The following PHLDB1 variants were observed in gnomAD, a reference collection of about 807,000 sequenced individuals.
PHLDB1 encodes the protein pleckstrin homology like domain family B member 1.
In PHLDB1, 65 loss-of-function variants were observed where a neutral mutation model predicts 139.3. The ratio of observed to expected loss-of-function variants is 0.47; its 90% CI spans 0.38 to 0.57. The LOEUF (loss-of-function observed/expected upper bound fraction) is 0.57. PHLDB1 is among the 20% of genes least tolerant of loss of function. The pLI is 0.00. For missense variants in PHLDB1, 1,624 were observed against 1,839.7 expected (o/e 0.88, Z 2.14); for synonymous variants, 679 against 734.5 (o/e 0.92, Z 1.22).
At position 118,629,588 on chromosome 11, in the gene PHLDB1, A is replaced by C. The variant is rs1385938575; in HGVS notation, c.1827+938A>C. Reference sequence around the variant, plus strand: ...CAGAACTGATGAGAACCAGAACTGAAGCATCTGGAGATGCTTTTGGAAGAG... The same window carrying C: ...CAGAACTGATGAGAACCAGAACTGACGCATCTGGAGATGCTTTTGGAAGAG... On this transcript the variant is annotated intron_variant, in intron 6 of 22. Transcript: ENST00000600882. 2.0e-5 allele frequency among the ~76,000 whole-genome samples: 3 copies of C among 152,222 alleles called. No homozygotes were observed. The East Asian group carries it at 5.8e-4, about 29-fold the overall frequency.
intron 4 of PHLDB1, among the ~76,000 whole-genome samples, chr11:118,619,726 C>T (rs1555092834): frequency 6.6e-6 from 1 of 152,118 alleles, no homozygotes; most frequent in African/African-American, 2.4e-5. Context: ...CCTTTTTCCT[C>T]AGAAGGGAAT....
chr11:118,625,019 A>C lies in PHLDB1; in HGVS notation c.441A>C (p.Ala147=), dbSNP rs1284333126. 6.2e-7 allele frequency: 1 copy of C among 1,613,556 alleles called. No homozygotes were observed. The highest frequency in any genetic ancestry group is 2.2e-5 in the East Asian group (1 of 44,882). Residue 147 remains alanine (A), a synonymous_variant, in exon 5 of 23, where the codon GCA becomes GCC. Coordinates refer to ENST00000600882, the MANE Select transcript of PHLDB1 (RefSeq NM_001144758.3). ...AGTGGATGAAAAGCATGATTCCAGC[A>C]GGGGGCCGAGCCCCTGGGCCCCCCT... ...EAKWMKSMIP[A]GGRAPGPPYS... is the part of the protein sequence containing the mutation.
intron 3 of PHLDB1, 104 bp from the exon 4 acceptor site, chr11:118,615,937 T>C (rs1555088778): frequency 3.2e-6 from 3 of 947,622 alleles, no homozygotes; most frequent in Admixed American, 2.1e-5. Context: ...AGATTCTCCC[T>C]GGAGTAGGAG....
chr11:118,626,662 C>T (rs959586555), intron 5 of PHLDB1, among the ~76,000 whole-genome samples: 10 of 151,866 alleles, frequency 6.6e-5, no homozygotes, highest in African/African-American at 1.2e-4. Context: ...GGATTACAGG[C>T]GTGAGCCACC....
rs1555135233 is a variant in PHLDB1 at position 118,650,421 on chromosome 11, T to C, written c.3772-24T>C. 2 of 1,549,536 alleles carry C rather than the reference T, an allele frequency of 1.3e-6. No homozygotes were observed. The highest frequency in any genetic ancestry group is 1.7e-5 in the Admixed American group (1 of 59,968). The stretch of plus-strand genomic sequence containing the variant: ...GCTTAAGGGCTGCATATTTGGGTCC[T>C]TCCTTACTCCTGCTTCCTACCAGGT... On this transcript the variant is annotated intron_variant, in intron 19 of 22. Coordinates refer to ENST00000600882, the MANE Select transcript of PHLDB1 (RefSeq NM_001144758.3). The surrounding 1 kb of genome is among the most constrained non-coding windows in gnomAD (Gnocchi z 4.7).
chr11:118,629,909 C>CT, intron 6 of PHLDB1: 1 of 811,840 alleles, frequency 1.2e-6, no homozygotes, highest in Non-Finnish European at 1.7e-6. Context: ...TCACCTGCCA[C>CT]TTTAAGTCTT....
At chr11:118,624,853 A>G (rs1591542597) in intron 4 of PHLDB1, 81 bp from the exon 5 acceptor site, 2 of 1,460,376 alleles carry the variant, frequency 1.4e-6, no homozygotes, top group Non-Finnish European at 9.6e-7. Flanking sequence ...CAGGTGATCC[A>G]CCCTCCTCCG....
intron 7 of PHLDB1, among the ~76,000 whole-genome samples, 168 bp downstream of exon 7, chr11:118,631,647 A>G (rs1944824665): frequency 6.6e-6 from 1 of 152,160 alleles, no homozygotes; most frequent in East Asian, 1.9e-4. Flanking sequence ...GGAGGTGTTG[A>G]TGAGCTTCCC....
intron 5 of PHLDB1, 98 bp downstream of exon 5, chr11:118,625,157 C>T: frequency 1.4e-6 from 2 of 1,399,876 alleles, no homozygotes; most frequent in Non-Finnish European, 1.9e-6. Flanking sequence ...TAGGGCAAGA[C>T]AATACCTAAG....
At chr11:118,643,217 T>G (rs1243926740) in intron 13 of PHLDB1, among the ~76,000 whole-genome samples, 3 of 152,204 alleles carry the variant, frequency 2.0e-5, no homozygotes, top group African/African-American at 7.2e-5. Context: ...TGAAGTTAAC[T>G]CATTTTATAG....
chr11:118,650,419 C>G lies in PHLDB1; in HGVS notation c.3772-26C>G, dbSNP rs782508853. On this transcript the variant is annotated intron_variant, in intron 19 of 22. Transcript: ENST00000600882. The surrounding 1 kb of genome is among the most constrained non-coding windows in gnomAD (Gnocchi z 4.7). ...AGGCTTAAGGGCTGCATATTTGGGT[C>G]CTTCCTTACTCCTGCTTCCTACCAG... The G allele has an allele frequency of 9.3e-6, 14 of 1,513,154 alleles. No homozygotes were observed. The highest frequency in any genetic ancestry group is 1.3e-5 in the Non-Finnish European group (14 of 1,087,792). 93.7% of individuals were successfully genotyped at this position (1,513,154 alleles called of 1,614,324 possible).
chr11:118,633,780 T>TGGGGATGGGTAGATGAGTTGGGTAG, intron 9 of PHLDB1: 1 of 152,264 alleles, frequency 6.6e-6, no homozygotes, highest in South Asian at 2.1e-4. Context: ...TCCTCCTCTC[T>TGGGGATGGGTAGATGAGTTGGGTAG]GGGGATGGGT....
intron 10 of PHLDB1, among the ~76,000 whole-genome samples, chr11:118,638,314 A>G (rs547056167): frequency 1.3e-5 from 2 of 152,366 alleles, no homozygotes; most frequent in Non-Finnish European, 2.9e-5. Flanking sequence ...CCACTGAAAG[A>G]TTTTGAGGAG....
At chr11:118,622,128 C>T (rs1942947115) in intron 4 of PHLDB1, among the ~76,000 whole-genome samples, 1 of 152,236 alleles carries the variant, frequency 6.6e-6, no homozygotes, top group South Asian at 2.1e-4. Context: ...ATGTGCAGCT[C>T]CTCCACCCAC....
intron 4 of PHLDB1, among the ~76,000 whole-genome samples, chr11:118,623,933 T>G (rs1943348992): frequency 6.6e-6 from 1 of 151,494 alleles, no homozygotes; most frequent in Non-Finnish European, 1.5e-5. Context: ...GGAGTTTCGC[T>G]CTGTTGCCCA....
intron 15 of PHLDB1, chr11:118,644,395 T>G: frequency 3.5e-6 from 2 of 565,260 alleles, no homozygotes; most frequent in East Asian, 3.1e-5. Flanking sequence ...TGTGACATCT[T>G]TCCTAGAGAG....
chr11:118,620,499 A>C lies in PHLDB1; in HGVS notation c.355+4288A>C, dbSNP rs1172750238. ...AAGAATGAAACTCCATCTCAAAAAAACAGAACAAAACAAAACAAAACACCT... is the reference window on the plus strand; with the variant it reads ...AAGAATGAAACTCCATCTCAAAAAACCAGAACAAAACAAAACAAAACACCT... On this transcript the variant is annotated intron_variant, in intron 4 of 22. Transcript: ENST00000600882. The surrounding 1 kb of genome is among the most constrained non-coding windows in gnomAD (Gnocchi z 4.1). Among the ~76,000 whole-genome samples the C allele has an allele frequency of 6.6e-6, 1 of 152,142 alleles. No individual in the cohort carries two copies. The highest frequency in any genetic ancestry group is 1.5e-5 in the Non-Finnish European group (1 of 68,024).
Position 118,655,664 on chromosome 11 carries a change from T to A in PHLDB1, c.3934T>A (p.Tyr1312Asn). Residue 1312 changes from tyrosine to asparagine, a missense_variant, in exon 21 of 23, where the codon TAC (tyrosine) becomes AAC (asparagine). Coordinates refer to ENST00000600882, the MANE Select transcript of PHLDB1 (RefSeq NM_001144758.3). ...TTTCCAGGCCATTGAGGAAGTGTAC[T>A]ACGACCACCTGCGCAGTGCAGCCAA... ...IYFQAIEEVY[Y>N]DHLRSAAKKR... 6.2e-7 allele frequency: 1 copy of A among 1,613,130 alleles called. No individual in the cohort carries two copies. The highest frequency in any genetic ancestry group is 8.5e-7 in the Non-Finnish European group (1 of 1,179,202).
At chr11:118,635,311 C>T in intron 9 of PHLDB1, 82 bp from the exon 10 acceptor site, 1 of 1,452,164 alleles carries the variant, frequency 6.9e-7, no homozygotes, top group Admixed American at 2.4e-5. Flanking sequence ...CCCCATACAA[C>T]GCATGCCCCT....
Sources: allele counts gnomAD v4.1 joint callset (sites outside exome capture counted in the v4.1 genomes callset), GRCh38; gene constraint gnomAD v4.1.1; non-coding constraint Gnocchi (gnomAD v3.1); transcripts MANE v1.5; gene names NCBI Gene and HGNC (gene_info 2026-07-23, HGNC 2026-07-21).